Variants in GLCE observed in about 807,000 individuals in gnomAD.
GLCE encodes D-glucuronyl C5-epimerase.
GLCE carries 19 observed loss-of-function variants against 47.9 expected under a neutral mutation model. The ratio of observed to expected loss-of-function variants is 0.40; its 90% CI spans 0.28 to 0.58. The LOEUF is 0.58. Ranked by LOEUF, GLCE falls within the 20% of genes least tolerant of loss-of-function variation. GLCE has a pLI of 0.48. For missense variants in GLCE, 556 were observed against 743.3 expected, an observed-to-expected ratio of 0.75 and a Z score of 2.93; for synonymous variants, 245 against 263.4, an observed-to-expected ratio of 0.93 and a Z score of 0.68.
chr15:69,208,630 C>T (rs2052183590), intron 1 of GLCE, among the ~76,000 whole-genome samples: 2 of 151,948 alleles, frequency 1.3e-5, no homozygotes, highest in Non-Finnish European at 2.9e-5. Context: ...CCATAATAAT[C>T]TTGGCATCAG....
At chr15:69,204,579 C>T (rs1024257496) in intron 1 of GLCE, among the ~76,000 whole-genome samples, 1 of 152,032 alleles carries the variant, frequency 6.6e-6, no homozygotes, top group African/African-American at 2.4e-5. Flanking sequence ...GCCACCTTGC[C>T]TGGCCTGTTT....
At chr15:69,185,400 G>A (rs1416679161) in intron 1 of GLCE, among the ~76,000 whole-genome samples, 1 of 152,110 alleles carries the variant, frequency 6.6e-6, no homozygotes, top group Non-Finnish European at 1.5e-5. Flanking sequence ...AATTTGATTT[G>A]TATCTCCTTT....
intron 2 of GLCE, among the ~76,000 whole-genome samples, chr15:69,223,266 T>G (rs1290261053): frequency 6.6e-6 from 1 of 152,212 alleles, no homozygotes; most frequent in Non-Finnish European, 1.5e-5. Context: ...CCTTCAGCTT[T>G]TATTTATCTA....
intron 2 of GLCE, among the ~76,000 whole-genome samples, chr15:69,233,234 G>C (rs76786398): frequency 6.6e-6 from 1 of 152,140 alleles, no homozygotes. Flanking sequence ...TAGGTGTAAA[G>C]TATGTGAAAA....
At chr15:69,177,026 CTTTT>C (rs767252296) in intron 1 of GLCE, among the ~76,000 whole-genome samples, 1 of 138,324 alleles carries the variant, frequency 7.2e-6, no homozygotes. Flanking sequence ...TTCATATTTG[CTTTT>C]TTTTTTTTTT....
chr15:69,201,502 T>C (rs1455791493), intron 1 of GLCE, among the ~76,000 whole-genome samples: 1 of 151,566 alleles, frequency 6.6e-6, no homozygotes. Context: ...GTAAAACATA[T>C]AGCATTGCTT....
intron 1 of GLCE, among the ~76,000 whole-genome samples, chr15:69,165,717 T>A (rs2051493304): frequency 6.6e-6 from 1 of 152,164 alleles, no homozygotes; most frequent in Non-Finnish European, 1.5e-5. Context: ...CAGGTTTATA[T>A]TTGTCTTATT....
intron 4 of GLCE, among the ~76,000 whole-genome samples, chr15:69,262,887 G>A (rs2053033983): frequency 6.6e-6 from 1 of 152,172 alleles, no homozygotes; most frequent in African/African-American, 2.4e-5. Flanking sequence ...TATCTGAAAT[G>A]CTTGGGACTA....
At chr15:69,238,493 G>C (rs1456190007) in intron 2 of GLCE, among the ~76,000 whole-genome samples, 1 of 152,086 alleles carries the variant, frequency 6.6e-6, no homozygotes, top group Non-Finnish European at 1.5e-5. Context: ...TAGCATATAT[G>C]GTAAAACTAC....
intron 2 of GLCE, among the ~76,000 whole-genome samples, chr15:69,218,945 G>A (rs979667422): frequency 1.3e-5 from 2 of 152,096 alleles, no homozygotes; most frequent in African/African-American, 4.8e-5. Context: ...TATAATATTT[G>A]TAAAACAAAC....
chr15:69,248,357 C>T (rs575295047), intron 2 of GLCE, among the ~76,000 whole-genome samples: 27 of 152,190 alleles, frequency 1.8e-4, no homozygotes, highest in Non-Finnish European at 2.8e-4. Flanking sequence ...GTTTTAAAAT[C>T]GGCCAATATA....
At chr15:69,174,588 C>T (rs960841559) in intron 1 of GLCE, among the ~76,000 whole-genome samples, 2 of 151,912 alleles carry the variant, frequency 1.3e-5, no homozygotes, top group African/African-American at 2.4e-5. Flanking sequence ...CCAGCCTGGG[C>T]GACAAGAGTG....
At chr15:69,225,155 AG>A in intron 2 of GLCE, among the ~76,000 whole-genome samples, 1 of 146,804 alleles carries the variant, frequency 6.8e-6, no homozygotes, top group Non-Finnish European at 1.5e-5. Context: ...AAGCTTCATT[AG>A]CCAAATATTT....
At position 69,268,927 on chromosome 15, in the gene GLCE, A is replaced by C; in HGVS notation, c.1537A>C (p.Met513Leu). 1 of 1,614,130 alleles carries C rather than the reference A, an allele frequency of 6.2e-7. No individual in the cohort carries two copies. The highest frequency in any genetic ancestry group is 8.5e-7 in the Non-Finnish European group (1 of 1,179,954). ...TPSSFVLNGFMYSLIGLYDLK... is the reference protein window; with the variant it reads ...TPSSFVLNGFLYSLIGLYDLK... Reference sequence around the variant, plus strand: ...TAGCTCTTTTGTTTTAAATGGCTTTATGTATTCTTTAATTGGGCTGTATGA... The same window carrying C: ...TAGCTCTTTTGTTTTAAATGGCTTTCTGTATTCTTTAATTGGGCTGTATGA... Residue 513 changes from methionine (M) to leucine (L), a missense_variant, in exon 5 of 5, where the codon ATG becomes CTG. Transcript: ENST00000261858.
At chr15:69,188,708 G>T (rs186036990) in intron 1 of GLCE, among the ~76,000 whole-genome samples, 2 of 152,092 alleles carry the variant, frequency 1.3e-5, no homozygotes, top group African/African-American at 4.8e-5. Flanking sequence ...TGCTCATGAC[G>T]TTCTCTTACC....
chr15:69,231,550 T>G (rs2052521903), intron 2 of GLCE, among the ~76,000 whole-genome samples: 1 of 152,128 alleles, frequency 6.6e-6, no homozygotes, highest in African/African-American at 2.4e-5. Flanking sequence ...CCCAAAGTGC[T>G]GGGATTACAG....
At chr15:69,211,779 G>A (rs1019869306) in intron 2 of GLCE, among the ~76,000 whole-genome samples, 6 of 151,968 alleles carry the variant, frequency 3.9e-5, no homozygotes, top group African/African-American at 1.4e-4. Context: ...AGAAAATAAA[G>A]TAAGCTTCTA....
chr15:69,168,760 G>A (rs1489823966), intron 1 of GLCE, among the ~76,000 whole-genome samples: 1 of 152,078 alleles, frequency 6.6e-6, no homozygotes, highest in East Asian at 1.9e-4. Flanking sequence ...TCAAACTCCC[G>A]ACCTCAGGTG....
At chr15:69,242,421 A>G (rs1217167698) in intron 2 of GLCE, among the ~76,000 whole-genome samples, 2 of 151,916 alleles carry the variant, frequency 1.3e-5, no homozygotes, top group Admixed American at 6.6e-5. Flanking sequence ...AATCGTTTCT[A>G]TATATATTTT....
Sources: allele counts gnomAD v4.1 joint callset (sites outside exome capture counted in the v4.1 genomes callset), GRCh38; gene constraint gnomAD v4.1.1; transcripts MANE v1.5; gene names NCBI Gene and HGNC (gene_info 2026-07-23, HGNC 2026-07-21).